MYO1H: variants seen among roughly 807,000 people sequenced by gnomAD.
The protein encoded by MYO1H is myosin IH, also known as unconventional myosin-Ih.
MYO1H carries 118 observed loss-of-function variants against 149.3 expected under a neutral mutation model. That is an observed-to-expected ratio of 0.79 (90% CI 0.68 to 0.92). MYO1H has a LOEUF of 0.92. Among genes scored for constraint, MYO1H ranks in the 40% least tolerant of loss-of-function variants. The pLI is 0.00. For missense variants in MYO1H, 1,212 were observed against 1,280.7 expected, an observed-to-expected ratio of 0.95 and a Z score of 0.82; for synonymous variants, 447 against 465.2, an observed-to-expected ratio of 0.96 and a Z score of 0.50.
rs1335069078 is a variant in MYO1H at position 109,443,009 on chromosome 12, A to AATAT, written c.2689-488_2689-485dup. Among the ~76,000 whole-genome samples, 228 of 58,498 alleles carry AATAT rather than the reference A, an allele frequency of 3.9e-3. 32 individuals are homozygous for AATAT. The highest frequency in any genetic ancestry group is 4.8e-3 in the Non-Finnish European group (154 of 31,798). The allele number at this position is 58,498 out of a possible 152,430, so 38.4% of individuals were successfully genotyped here. A position where few individuals can be genotyped will look rare whatever the true frequency, so the allele number is the denominator to read the frequency against. ...TGCAGAGAGCCAGGAAAAAAAAAAA[A>AATAT]ATATATATATATATATATATGTGTG... On this transcript the variant is annotated intron_variant, in intron 27 of 31. Transcript: ENST00000310903.
intron 5 of MYO1H, among the ~76,000 whole-genome samples, chr12:109,399,197 A>G (rs1870045934): frequency 6.6e-6 from 1 of 152,198 alleles, no homozygotes; most frequent in African/African-American, 2.4e-5. Flanking sequence ...TTGAAACTTC[A>G]ACACATATAC....
chr12:109,445,543 A>G, exon 31 of MYO1H: 1 of 1,612,174 alleles, frequency 6.2e-7, no homozygotes, highest in Non-Finnish European at 8.5e-7. Flanking sequence ...CGGGAAAAGA[A>G]GGCACAATAG....
At chr12:109,378,940 G>A (rs977589227) in intron 1 of MYO1H, among the ~76,000 whole-genome samples, 11 of 152,088 alleles carry the variant, frequency 7.2e-5, no homozygotes, top group African/African-American at 1.9e-4. Flanking sequence ...TTCCTGTAGC[G>A]TCTCCCACTC....
intron 8 of MYO1H, among the ~76,000 whole-genome samples, chr12:109,406,551 A>G (rs1001983250): frequency 2.0e-5 from 3 of 150,088 alleles, no homozygotes; most frequent in African/African-American, 7.3e-5. Flanking sequence ...TCAGGAGGCT[A>G]AGGTAGGAGG....
In MYO1H at chr12:109,409,925, C is replaced by T. The variant is rs367858797; in HGVS notation, c.1224-38C>T. On this transcript the variant is annotated intron_variant, in intron 11 of 31. Coordinates refer to ENST00000310903, the Ensembl canonical transcript of MYO1H. ...ATTTGTTTAAAAAAATTGTTCTCTT[C>T]ATATAACTTTAGTTACTTAAATCTT... The T allele has an allele frequency of 1.4e-4, 165 of 1,216,154 alleles. 2 individuals are homozygous for T. The African/African-American group carries it at 2.3e-3, about 17-fold the overall frequency. The allele number at this position is 1,216,154 out of a possible 1,614,324, so 75.3% of individuals were successfully genotyped here.
chr12:109,420,943 G>A (rs191267343), intron 15 of MYO1H, 38 bp from the exon 16 acceptor site: 99 of 1,081,648 alleles, frequency 9.2e-5, no homozygotes, highest in Non-Finnish European at 1.4e-4. Context: ...TTTAGGCAGA[G>A]ACATTGATTC....
At chr12:109,319,568 G>A in the MYO1H span, among the ~76,000 whole-genome samples, 2 of 152,286 alleles carry the variant, frequency 1.3e-5, no homozygotes, top group African/African-American at 2.4e-5. Flanking sequence ...AATGTTAGGT[G>A]GTGGTGATGG....
intron 1 of MYO1H, among the ~76,000 whole-genome samples, chr12:109,354,630 A>AAAAAAAAAAAAAAAAAAAG (rs796354256): frequency 3.0e-5 from 4 of 134,006 alleles, no homozygotes; most frequent in Non-Finnish European, 3.1e-5. Flanking sequence ...AAAAAAAAAA[A>AAAAAAAAAAAAAAAAAAAG]AAAAGAAAAG....
At chr12:109,427,547 G>C (rs1592812637) in exon 19 of MYO1H, 1 of 1,613,030 alleles carries the variant, frequency 6.2e-7, no homozygotes, top group Admixed American at 1.7e-5. Context: ...AGACGGGCTG[G>C]TTTTGCATAC....
At position 109,425,949 on chromosome 12, in the gene MYO1H, G is replaced by T. The variant is rs1444768284; in HGVS notation, c.1729G>T (p.Gly577Trp). The stretch of plus-strand genomic sequence containing the variant: ...CTCTTTCTCTCTCTCTCTGCAGGTG[G>T]GGACTCAGTTTAAAAACAGTCTGAG... Residue 577 changes from glycine to tryptophan, a missense_variant, in exon 18 of 32, where the codon GGG (glycine) becomes TGG (tryptophan). By Grantham distance (184) the Gly-to-Trp change is radical. Coordinates refer to ENST00000310903, the Ensembl canonical transcript of MYO1H. The T allele has an allele frequency of 1.9e-5, 31 of 1,609,652 alleles. No homozygotes were observed. Among genetic ancestry groups the T allele is most frequent in the Non-Finnish European group, 2.6e-5 (31 of 1,176,362 alleles).
At chr12:109,414,476 C>CAA (rs1158287635) in intron 14 of MYO1H, among the ~76,000 whole-genome samples, 5,479 of 57,228 alleles carry the variant, frequency 0.096, 230 homozygotes, top group Non-Finnish European at 0.15. Flanking sequence ...GACTCCATCT[C>CAA]AAAAAAAAAA....
intron 16 of MYO1H, among the ~76,000 whole-genome samples, chr12:109,422,541 C>G (rs146018780): frequency 1.3e-5 from 2 of 152,340 alleles, no homozygotes; most frequent in Non-Finnish European, 2.9e-5. Context: ...GTTTCTCTAA[C>G]AGCTTCCCCT....
intron 6 of MYO1H, chr12:109,401,581 A>G (rs1355330875): frequency 3.9e-6 from 1 of 257,346 alleles, no homozygotes; most frequent in Non-Finnish European, 7.4e-6. Flanking sequence ...TTCAGATTTC[A>G]TTGGTCTGGG....
the MYO1H span, among the ~76,000 whole-genome samples, chr12:109,320,397 G>A: frequency 7.2e-6 from 1 of 138,382 alleles, no homozygotes; most frequent in Non-Finnish European, 1.5e-5. Flanking sequence ...ATCACTTGAG[G>A]ACAGGAGTTC....
the MYO1H span, among the ~76,000 whole-genome samples, chr12:109,337,259 G>A: frequency 6.6e-6 from 1 of 151,986 alleles, no homozygotes; most frequent in Non-Finnish European, 1.5e-5. Context: ...AAAGATATTA[G>A]CTTCATATAT....
At chr12:109,421,670 A>G (rs1871179010) in intron 16 of MYO1H, among the ~76,000 whole-genome samples, 1 of 152,114 alleles carries the variant, frequency 6.6e-6, no homozygotes, top group Non-Finnish European at 1.5e-5. Context: ...ACATGATCTG[A>G]GGACGAGGAA....
At chr12:109,401,360 A>AT in intron 6 of MYO1H, 88 bp downstream of exon 6, 2 of 1,337,726 alleles carry the variant, frequency 1.5e-6, no homozygotes, top group Non-Finnish European at 2.0e-6. Flanking sequence ...TGTTTGAGAC[A>AT]TTCTATTACC....
chr12:109,405,908 T>A lies in MYO1H; in HGVS notation c.850-14T>A. The A allele has an allele frequency of 1.9e-6, 3 of 1,570,636 alleles. No individual in the cohort carries two copies. Among genetic ancestry groups the A allele is most frequent in the Non-Finnish European group, 2.6e-6 (3 of 1,140,754 alleles). On this transcript the variant is annotated splice_polypyrimidine_tract_variant and intron_variant, in intron 7 of 31. Transcript: ENST00000310903. ...TCCTGATCTCCTGTCTCTGAACACT[T>A]CCCATGTTCCTAGAATCTCTTTGGA...
intron 8 of MYO1H, 68 bp downstream of exon 8, chr12:109,406,103 G>C (rs1419280392): frequency 8.8e-7 from 1 of 1,132,816 alleles, no homozygotes; most frequent in Non-Finnish European, 1.3e-6. Context: ...AGGTAGCTGG[G>C]TGCCCACAGT....
Sources: gnomAD v4.1 joint callset for allele counts (sites outside exome capture counted in the v4.1 genomes callset) on GRCh38, gnomAD v4.1.1 for gene constraint, MANE v1.5 for transcripts, NCBI Gene and HGNC (gene_info 2026-07-23, HGNC 2026-07-21) for gene names.